Variants in CUX1 observed in about 807,000 individuals in gnomAD.
CUX1 encodes the protein protein CASP.
Under a neutral mutation model 158.8 loss-of-function variants are expected in CUX1, and 31 were observed. The observed-to-expected ratio is 0.20, with a 90% CI of 0.15 to 0.26. The LOEUF (loss-of-function observed/expected upper bound fraction) is 0.26, where lower values mean the gene tolerates loss of function less well. CUX1 is among the 10% of genes least tolerant of loss of function. The pLI is 1.00. For missense variants in CUX1, 1,589 were observed against 2,014.6 expected (o/e 0.79, Z 4.04); for synonymous variants, 879 against 862.1 (o/e 1.02, Z -0.34).
chr7:102,280,920 A>G, intron 20 of CUX1: 2 of 1,492,426 alleles, frequency 1.3e-6, no homozygotes, highest in Admixed American at 1.7e-5. Flanking sequence ...GTCTCCAGGC[A>G]CCTCTTCACC....
At chr7:102,008,514 G>A (rs939594213) in intron 2 of CUX1, among the ~76,000 whole-genome samples, 12 of 152,102 alleles carry the variant, frequency 7.9e-5, no homozygotes, top group Non-Finnish European at 1.3e-4. Context: ...GGTCGTGTGC[G>A]TGTCTTTATT....
chr7:101,818,886 C>T (rs1792175251), intron 1 of CUX1: 1 of 152,110 alleles, frequency 6.6e-6, no homozygotes, highest in Admixed American at 6.6e-5. Context: ...TTTTCCAGAC[C>T]TCTTTATACT....
At chr7:102,146,297 G>A (rs1473448481) in intron 8 of CUX1, among the ~76,000 whole-genome samples, 9 of 152,252 alleles carry the variant, frequency 5.9e-5, no homozygotes, top group East Asian at 3.9e-4. Context: ...ACTGAAGCCC[G>A]AGTGACAGTC....
At chr7:102,278,821 C>T (rs1163862463) in intron 18 of CUX1, among the ~76,000 whole-genome samples, 3 of 151,320 alleles carry the variant, frequency 2.0e-5, no homozygotes, top group Middle Eastern at 3.4e-3. Context: ...CGTGAGAGGC[C>T]GAGGCGGGTG....
In CUX1 at chr7:101,919,849, G is replaced by T. The variant is rs530205356; in HGVS notation, c.141+3624G>T. On this transcript the variant is annotated intron_variant, in intron 2 of 23. Transcript: ENST00000292535. ...GTGACGGGGAGGTGGCCAGGGAGGG[G>T]TGCTGTGTGGTGGCTGGGACTCTGA... Among the ~76,000 whole-genome samples the T allele has an allele frequency of 2.0e-5, 3 of 152,350 alleles. No individual in the cohort carries two copies. In the East Asian group the frequency reaches 5.8e-4, roughly 29 times the overall value.
intron 1 of CUX1, among the ~76,000 whole-genome samples, chr7:101,901,640 A>G (rs1001165137): frequency 1.7e-4 from 26 of 152,152 alleles, no homozygotes; most frequent in African/African-American, 6.0e-4. Flanking sequence ...CCAGTGGCCC[A>G]CCAGGCCCAG....
chr7:101,845,131 T>C (rs1475198244), intron 1 of CUX1, among the ~76,000 whole-genome samples: 1 of 151,402 alleles, frequency 6.6e-6, no homozygotes, highest in Non-Finnish European at 1.5e-5. Context: ...TCAACCCTTC[T>C]TCTGTTGTCC....
At chr7:102,242,205 C>CTTTTTT (rs67514665) in intron 23 of CUX1, among the ~76,000 whole-genome samples, 11 of 93,050 alleles carry the variant, frequency 1.2e-4, no homozygotes, top group Non-Finnish European at 1.4e-4. Flanking sequence ...TTCTTTCTTT[C>CTTTTTT]TTTTTTTTTT....
chr7:101,913,435 C>G (rs1281700637), intron 1 of CUX1: 2 of 1,243,528 alleles, frequency 1.6e-6, no homozygotes, highest in Non-Finnish European at 2.1e-6. Flanking sequence ...GCCCCGGGAT[C>G]AAGGTGGGTT....
intron 1 of CUX1, among the ~76,000 whole-genome samples, chr7:101,847,110 C>T (rs1277530864): frequency 1.3e-5 from 2 of 152,266 alleles, no homozygotes; most frequent in South Asian, 2.1e-4. Context: ...TACCACTGCA[C>T]TCTAGGTTGG....
At chr7:102,105,475 T>C (rs880002801) in intron 6 of CUX1, among the ~76,000 whole-genome samples, 12 of 151,504 alleles carry the variant, frequency 7.9e-5, no homozygotes, top group Non-Finnish European at 1.6e-4. Context: ...ATAAGGACTA[T>C]TGAGCTTACG....
At chr7:101,900,122 A>G (rs1414445341) in intron 1 of CUX1, among the ~76,000 whole-genome samples, 1 of 152,190 alleles carries the variant, frequency 6.6e-6, no homozygotes, top group African/African-American at 2.4e-5. Flanking sequence ...TGGGGAGACT[A>G]GCAGCACTTC....
chr7:102,282,915 C>T, intron 22 of CUX1: 2 of 892,646 alleles, frequency 2.2e-6, no homozygotes, highest in Non-Finnish European at 3.6e-6. Context: ...CCCCCTACCC[C>T]TACTCCCGGT....
intron 3 of CUX1, among the ~76,000 whole-genome samples, chr7:102,037,617 G>T (rs1821589934): frequency 6.6e-6 from 1 of 151,408 alleles, no homozygotes; most frequent in African/African-American, 2.4e-5. Context: ...TTCCCAAAAT[G>T]CTGGGATTAC....
intron 14 of CUX1, among the ~76,000 whole-genome samples, chr7:102,196,326 TC>T (rs1554518302): frequency 6.6e-6 from 1 of 152,142 alleles, no homozygotes; most frequent in East Asian, 1.9e-4. Flanking sequence ...CGTCAACTCT[TC>T]CCTGTGTGTG....
At chr7:101,883,420 T>C (rs1475483949) in intron 1 of CUX1, among the ~76,000 whole-genome samples, 1 of 152,160 alleles carries the variant, frequency 6.6e-6, no homozygotes, top group Non-Finnish European at 1.5e-5. Flanking sequence ...AAACCTGGCT[T>C]TAGTTCCTAA....
Position 102,227,416 on chromosome 7 carries a change from G to A in CUX1, c.3180G>A (p.Pro1060=), listed in dbSNP as rs782320145. 2.2e-5 allele frequency: 35 copies of A among 1,613,610 alleles called. No individual in the cohort carries two copies. The highest frequency in any genetic ancestry group is 1.6e-4 in the Middle Eastern group (1 of 6,082). The part of the protein sequence containing the change: ...SASCSPAPES[P]MSSSESVKSL... ...GCTGCAGCCCTGCCCCTGAGTCCCC[G>A]ATGAGTTCCAGTGAGTCGGTGAAGA... Residue 1060 remains proline, a synonymous_variant, in exon 21 of 24, where the codon CCG becomes CCA. Coordinates refer to ENST00000292535, the MANE Select transcript of CUX1 (RefSeq NM_181552.4).
At chr7:102,135,604 A>G (rs782133968) in intron 8 of CUX1, among the ~76,000 whole-genome samples, 1 of 151,978 alleles carries the variant, frequency 6.6e-6, no homozygotes, top group South Asian at 2.1e-4. Flanking sequence ...CACACACACA[A>G]AAAATAATAT....
chr7:101,934,575 T>C (rs940901665), intron 2 of CUX1, among the ~76,000 whole-genome samples: 1 of 152,058 alleles, frequency 6.6e-6, no homozygotes, highest in African/African-American at 2.4e-5. Context: ...CTCTCATGAG[T>C]TAAAGAAAGG....
Sources: gnomAD v4.1 joint callset for allele counts (sites outside exome capture counted in the v4.1 genomes callset) on GRCh38, gnomAD v4.1.1 for gene constraint, MANE v1.5 for transcripts, NCBI Gene and HGNC (gene_info 2026-07-23, HGNC 2026-07-21) for gene names.